The following NPM1 variants were observed in gnomAD, a reference collection of about 807,000 sequenced individuals.
NPM1 encodes nucleophosmin.
A neutral mutation model predicts 44.1 loss-of-function variants in NPM1; 1 was observed. The ratio of observed to expected loss-of-function variants is 0.02; its 90% CI spans 0.01 to 0.11. The LOEUF is 0.11. NPM1 is among the 10% of genes least tolerant of loss of function. The pLI, the probability that NPM1 is intolerant of heterozygous loss-of-function variation, is 1.00. For missense variants in NPM1, 197 were observed against 347.8 expected (o/e 0.57, Z 3.45); for synonymous variants, 126 against 111.8 (o/e 1.13, Z -0.80).
intron 6 of NPM1, among the ~76,000 whole-genome samples, chr5:171,394,630 C>T (rs974630131): frequency 4.6e-5 from 7 of 152,208 alleles, no homozygotes; most frequent in Admixed American, 2.6e-4. Flanking sequence ...GAATATTTCT[C>T]GTTAGTAAGA....
chr5:171,392,106 C>G (rs540375871), intron 4 of NPM1, among the ~76,000 whole-genome samples: 1 of 152,020 alleles, frequency 6.6e-6, no homozygotes, highest in South Asian at 2.1e-4. Flanking sequence ...AGTCCAGTTG[C>G]GTTTCATAGT....
chr5:171,404,209 A>G (rs1364745941), intron 8 of NPM1, among the ~76,000 whole-genome samples: 10 of 92,980 alleles, frequency 1.1e-4, no homozygotes, highest in South Asian at 4.7e-4. Flanking sequence ...CCTCCCAGAT[A>G]GGGCGGCTGG....
intron 8 of NPM1, among the ~76,000 whole-genome samples, chr5:171,401,309 C>CCACCT (rs1476769100): frequency 1.3e-5 from 2 of 151,810 alleles, no homozygotes; most frequent in Non-Finnish European, 2.9e-5. Context: ...TGAGATTGCA[C>CCACCT]CACTGCACTC....
At chr5:171,394,041 CTTTTTTT>C (rs144186175) in intron 6 of NPM1, among the ~76,000 whole-genome samples, 3 of 97,080 alleles carry the variant, frequency 3.1e-5, no homozygotes, top group African/African-American at 7.8e-5. Context: ...TTTTTGTTTT[CTTTTTTT>C]TTTTTTTTTT....
intron 8 of NPM1, among the ~76,000 whole-genome samples, chr5:171,401,722 C>T (rs1771213402): frequency 6.6e-6 from 1 of 152,164 alleles, no homozygotes; most frequent in South Asian, 2.1e-4. Flanking sequence ...AGCCACCACG[C>T]CTGGCCTGAA....
chr5:171,388,078 G>GGGGGGGGGGGGGC, intron 1 of NPM1, 72 bp downstream of exon 1: 2 of 616,744 alleles, frequency 3.2e-6, no homozygotes, highest in Non-Finnish European at 3.0e-6. Flanking sequence ...TGAGGGGCGG[G>GGGGGGGGGGGGGC]AATCCGGCTG....
chr5:171,398,691 GAA>G (rs1381252969), intron 6 of NPM1, among the ~76,000 whole-genome samples: 6 of 152,078 alleles, frequency 3.9e-5, no homozygotes, highest in African/African-American at 1.4e-4. Context: ...GAATTCGCTT[GAA>G]CCTGGGAGGC....
intron 1 of NPM1, 144 bp downstream of exon 1, chr5:171,388,150 C>T (rs1770358280): frequency 1.3e-6 from 1 of 760,788 alleles, no homozygotes; most frequent in Admixed American, 2.4e-5. Context: ...GAAGAGCTGC[C>T]TGAGCCCTGG....
At chr5:171,388,501 C>A (rs942285695) in intron 1 of NPM1, among the ~76,000 whole-genome samples, 2 of 151,940 alleles carry the variant, frequency 1.3e-5, no homozygotes, top group African/African-American at 4.8e-5. Context: ...CGTAGACTTA[C>A]CTCGCGTGCT....
intron 10 of NPM1, among the ~76,000 whole-genome samples, chr5:171,409,225 T>G (rs1031541369): frequency 6.6e-6 from 1 of 152,204 alleles, no homozygotes; most frequent in Non-Finnish European, 1.5e-5. Flanking sequence ...TTACAGAGAT[T>G]ATCAAAACTA....
At chr5:171,407,674 C>T in intron 9 of NPM1, 26 bp from the exon 10 acceptor site, 1 of 1,354,106 alleles carries the variant, frequency 7.4e-7, no homozygotes, top group Non-Finnish European at 1.1e-6. Flanking sequence ...CTCTACTTAC[C>T]TGTAATAATG....
At chr5:171,403,716 GCGGC>G (rs1432764495) in intron 8 of NPM1, among the ~76,000 whole-genome samples, 2 of 147,038 alleles carry the variant, frequency 1.4e-5, no homozygotes, top group African/African-American at 5.0e-5. Flanking sequence ...CCCGGACAGG[GCGGC>G]CGGCCGGGCG....
intron 8 of NPM1, among the ~76,000 whole-genome samples, chr5:171,402,966 T>TC (rs1554137302): frequency 1.2e-4 from 14 of 114,362 alleles, no homozygotes; most frequent in East Asian, 3.0e-4. Flanking sequence ...TTTTTTTTTT[T>TC]CATTTTATTT....
intron 4 of NPM1, 37 bp downstream of exon 4, chr5:171,391,836 C>T (rs746630707): frequency 1.1e-5 from 14 of 1,302,122 alleles, no homozygotes; most frequent in South Asian, 7.2e-5. Context: ...CTTAGTTTGT[C>T]CTCTTTAGTG....
chr5:171,406,819 C>A, intron 9 of NPM1: 1 of 543,154 alleles, frequency 1.8e-6, no homozygotes, highest in Non-Finnish European at 2.4e-6. Flanking sequence ...TAATGCTATA[C>A]CTGATTCTGC....
At chr5:171,405,559 C>T in intron 9 of NPM1, 156 bp downstream of exon 9, 1 of 632,646 alleles carries the variant, frequency 1.6e-6, no homozygotes, top group South Asian at 1.8e-5. Flanking sequence ...TCTTATAAAA[C>T]ATTTATAATC....
intron 6 of NPM1, 84 bp from the exon 7 acceptor site, chr5:171,400,066 AAAT>A (rs1771111489): frequency 1.2e-6 from 1 of 802,362 alleles, no homozygotes; most frequent in Non-Finnish European, 2.2e-6. Flanking sequence ...ATGGGTGCAC[AAAT>A]AATCACTTCA....
chr5:171,400,914 C>T lies in NPM1; in HGVS notation c.658C>T (p.Pro220Ser), dbSNP rs1771163974. The part of the protein sequence containing the change: ...NGKDSKPSST[P>S]RSKGQESFKK... ...AAAAGACTCAAAACCATCATCAACA[C>T]CAAGATCAAAAGTAAGTGGCTACAT... Residue 220 changes from proline (P) to serine (S), a missense_variant, in exon 8 of 11, where the codon CCA (proline) becomes TCA (serine). Around this residue, in one of 5 missense-constraint regions of NPM1, gnomAD observed 47 missense variants for 106.5 expected, o/e 0.44. Coordinates refer to ENST00000296930, the MANE Select transcript of NPM1 (RefSeq NM_002520.7). 6.2e-7 allele frequency: 1 copy of T among 1,608,896 alleles called. No homozygotes were observed. Among genetic ancestry groups the T allele is most frequent in the South Asian group, 1.1e-5 (1 of 90,884 alleles).
At chr5:171,398,522 C>A (rs1221088620) in intron 6 of NPM1, among the ~76,000 whole-genome samples, 2 of 152,150 alleles carry the variant, frequency 1.3e-5, no homozygotes, top group Admixed American at 6.5e-5. Flanking sequence ...CACCTGTAAT[C>A]CCGGCACTTT....
Sources: allele counts gnomAD v4.1 joint callset (sites outside exome capture counted in the v4.1 genomes callset), GRCh38; gene constraint gnomAD v4.1.1; regional missense constraint gnomAD v4.1.1; transcripts MANE v1.5; gene names NCBI Gene and HGNC (gene_info 2026-07-23, HGNC 2026-07-21).